DNAJC1: variants seen among roughly 807,000 people sequenced by gnomAD.
DNAJC1 encodes the protein DnaJ heat shock protein family (Hsp40) member C1, also known as dnaJ homolog subfamily C member 1.
DNAJC1 carries 58 observed loss-of-function variants against 76.6 expected under a neutral mutation model. The ratio of observed to expected loss-of-function variants is 0.76; its 90% CI spans 0.61 to 0.94. DNAJC1 has a LOEUF of 0.94. DNAJC1 is among the 40% of genes least tolerant of loss of function. The pLI is 0.00. For synonymous variants in DNAJC1, 258 were observed against 267.9 expected (o/e 0.96, Z 0.36); for missense variants, 689 against 677.3 (o/e 1.02, Z -0.19).
chr10:21,930,202 C>T (rs1837199182), intron 1 of DNAJC1, among the ~76,000 whole-genome samples: 1 of 152,198 alleles, frequency 6.6e-6, no homozygotes, highest in Non-Finnish European at 1.5e-5. Context: ...TCTCGAACTC[C>T]TGACCTCAAG....
intron 7 of DNAJC1, among the ~76,000 whole-genome samples, chr10:21,898,390 A>C (rs1422661736): frequency 6.6e-6 from 1 of 152,162 alleles, no homozygotes; most frequent in African/African-American, 2.4e-5. Flanking sequence ...GCCACTGTAA[A>C]GTCATGGCGC....
At chr10:21,922,302 T>C (rs1184106854) in intron 3 of DNAJC1, among the ~76,000 whole-genome samples, 1 of 151,976 alleles carries the variant, frequency 6.6e-6, no homozygotes, top group African/African-American at 2.4e-5. Flanking sequence ...CTTTTTTCAG[T>C]AGAAAAACAT....
intron 8 of DNAJC1, among the ~76,000 whole-genome samples, chr10:21,861,647 G>A (rs1024775842): frequency 7.2e-5 from 11 of 152,098 alleles, no homozygotes; most frequent in East Asian, 1.9e-4. Flanking sequence ...TAAAGCCGCC[G>A]GCCAAAACCC....
intron 8 of DNAJC1, among the ~76,000 whole-genome samples, chr10:21,863,858 T>C (rs1835953874): frequency 6.6e-6 from 1 of 152,150 alleles, no homozygotes; most frequent in African/African-American, 2.4e-5. Context: ...GTTAAAAGCC[T>C]GCACCTAACA....
At chr10:21,791,253 G>C (rs1834682757) in intron 9 of DNAJC1, among the ~76,000 whole-genome samples, 1 of 152,094 alleles carries the variant, frequency 6.6e-6, no homozygotes, top group African/African-American at 2.4e-5. Context: ...AATATTATTA[G>C]ATCTAAAGGG....
chr10:21,918,925 G>T, intron 5 of DNAJC1, 53 bp from the exon 6 acceptor site: 1 of 1,285,496 alleles, frequency 7.8e-7, no homozygotes, highest in Non-Finnish European at 1.1e-6. Flanking sequence ...AATATACAGA[G>T]AAAGTTGGGA....
intron 3 of DNAJC1, among the ~76,000 whole-genome samples, chr10:21,927,476 C>A (rs896650232): frequency 6.6e-6 from 1 of 152,126 alleles, no homozygotes; most frequent in Non-Finnish European, 1.5e-5. Context: ...GTCAAATAGC[C>A]AGGTGTTGTT....
intron 8 of DNAJC1, among the ~76,000 whole-genome samples, chr10:21,826,203 A>T (rs1444483518): frequency 1.4e-5 from 2 of 140,368 alleles, no homozygotes; most frequent in African/African-American, 5.5e-5. Context: ...GTGCCATTGC[A>T]CTCCAGCCTG....
intron 10 of DNAJC1, among the ~76,000 whole-genome samples, chr10:21,765,966 G>A (rs910635495): frequency 2.6e-5 from 4 of 152,230 alleles, no homozygotes; most frequent in African/African-American, 7.2e-5. Context: ...TAGCATTTGC[G>A]TGGTGTGCAG....
intron 1 of DNAJC1, among the ~76,000 whole-genome samples, chr10:21,949,018 A>G (rs1013371465): frequency 6.6e-6 from 1 of 152,204 alleles, no homozygotes; most frequent in Non-Finnish European, 1.5e-5. Context: ...TGGAGGCAAT[A>G]TTTTTAAACT....
intron 8 of DNAJC1, among the ~76,000 whole-genome samples, chr10:21,841,339 TG>T (rs1225003547): frequency 6.6e-6 from 1 of 152,122 alleles, no homozygotes; most frequent in African/African-American, 2.4e-5. Context: ...AGAAAATTTT[TG>T]CAACCTACTC....
At chr10:21,761,639 C>T (rs188300147) in intron 10 of DNAJC1, among the ~76,000 whole-genome samples, 2 of 151,850 alleles carry the variant, frequency 1.3e-5, no homozygotes, top group Admixed American at 6.6e-5. Flanking sequence ...GTCTGCATTC[C>T]TGGTCTGCTC....
chr10:21,814,541 G>T (rs896969574), intron 8 of DNAJC1, among the ~76,000 whole-genome samples: 6 of 152,214 alleles, frequency 3.9e-5, no homozygotes, highest in African/African-American at 1.4e-4. Context: ...GGCAGGGTGT[G>T]TAATGCTTCT....
intron 8 of DNAJC1, among the ~76,000 whole-genome samples, chr10:21,839,310 G>A (rs1174828146): frequency 6.6e-6 from 1 of 152,102 alleles, no homozygotes; most frequent in African/African-American, 2.4e-5. Context: ...ATGAATCCAG[G>A]AGCTGGTTTG....
chr10:21,780,278 C>G (rs898181498), intron 9 of DNAJC1, among the ~76,000 whole-genome samples: 6 of 152,072 alleles, frequency 3.9e-5, no homozygotes, highest in African/African-American at 1.4e-4. Flanking sequence ...AGAGCAACTC[C>G]AAGACACATA....
rs191067983 is a variant in DNAJC1, at chr10:21,769,978, G to A, written c.1099-3669C>T. Among the ~76,000 whole-genome samples the A allele has an allele frequency of 1.4e-3, 210 of 152,260 alleles. 1 individual carries two copies. Among genetic ancestry groups the A allele is most frequent in the African/African-American group, 4.7e-3 (194 of 41,552 alleles). On this transcript the variant is annotated intron_variant, in intron 9 of 11. Transcript: ENST00000376980. ...TGGGATTACAGGCGTGAGCCACTGC[G>A]CCCGGCCTAAACTCATCAGTTTTTC...
chr10:21,771,218 A>G (rs1834372874), intron 9 of DNAJC1, among the ~76,000 whole-genome samples: 1 of 152,152 alleles, frequency 6.6e-6, no homozygotes, highest in Non-Finnish European at 1.5e-5. Flanking sequence ...TTTTCTATAT[A>G]TAAAATCATG....
intron 9 of DNAJC1, among the ~76,000 whole-genome samples, chr10:21,795,365 G>T (rs1170679221): frequency 1.3e-5 from 2 of 152,120 alleles, no homozygotes; most frequent in Admixed American, 6.6e-5. Flanking sequence ...AATACCTTTC[G>T]CCAAGTGAAA....
chr10:21,874,266 T>G (rs1344305969), intron 8 of DNAJC1, among the ~76,000 whole-genome samples: 1 of 151,810 alleles, frequency 6.6e-6, no homozygotes, highest in Non-Finnish European at 1.5e-5. Context: ...AAAAATAAAT[T>G]AGCCAAGCTT....
Sources: allele counts gnomAD v4.1 joint callset (sites outside exome capture counted in the v4.1 genomes callset), GRCh38; gene constraint gnomAD v4.1.1; transcripts MANE v1.5; gene names NCBI Gene and HGNC (gene_info 2026-07-23, HGNC 2026-07-21).